CHAT: variants seen among roughly 807,000 people sequenced by gnomAD.
CHAT encodes choline O-acetyltransferase.
Under a neutral mutation model 76.9 loss-of-function variants are expected in CHAT, and 61 were observed. That is an observed-to-expected ratio of 0.79 (90% confidence interval 0.65 to 0.98). CHAT has a LOEUF of 0.98. Ranked by LOEUF, CHAT falls within the 50% of genes least tolerant of loss-of-function variation. The pLI is 0.00. For synonymous variants in CHAT, 407 were observed against 397.4 expected (o/e 1.02, Z -0.29); for missense variants, 946 against 986.9 (o/e 0.96, Z 0.56).
chr10:49,623,301 C>T (rs1838796065), intron 5 of CHAT, among the ~76,000 whole-genome samples: 1 of 152,170 alleles, frequency 6.6e-6, no homozygotes. Context: ...CTTCTGATCC[C>T]AGACTTTCAC....
At position 49,662,685 on chromosome 10, in the gene CHAT, T is replaced by C. The variant is rs775066227; in HGVS notation, c.1880T>C (p.Leu627Pro). 1.9e-6 allele frequency: 3 copies of C among 1,614,188 alleles called. No individual in the cohort carries two copies. Among genetic ancestry groups the C allele is most frequent in the Admixed American group, 1.7e-5 (1 of 60,030 alleles). The stretch of plus-strand genomic sequence containing the variant: ...GCCATTGACAACCACCTGCTGGCAC[T>C]GCGGGAGCTGGCCCGGGCCATGTGC... Reference protein sequence around the residue: ...GMAIDNHLLALRELARAMCKE... With the variant: ...GMAIDNHLLAPRELARAMCKE... Residue 627 changes from leucine (L) to proline (P), a missense_variant, in exon 14 of 15, where the codon CTG becomes CCG. By Grantham distance (98) the Leu-to-Pro change is moderately conservative (BLOSUM62 -3). Coordinates refer to ENST00000337653, the MANE Select transcript of CHAT (RefSeq NM_020549.5).
chr10:49,611,288 G>T, upstream of CHAT: 1 of 1,609,182 alleles, frequency 6.2e-7, no homozygotes. Flanking sequence ...GCGGCGCGCA[G>T]CCTGCAGGGC....
intron 4 of CHAT, among the ~76,000 whole-genome samples, chr10:49,621,792 C>T (rs1216791349): frequency 6.6e-6 from 1 of 152,064 alleles, no homozygotes; most frequent in Admixed American, 6.5e-5. Flanking sequence ...ACTCGACCCC[C>T]AGTTCTCACC....
At chr10:49,609,460 G>T (rs532600264), upstream of CHAT, among the ~76,000 whole-genome samples, 2 of 152,194 alleles carry the variant, frequency 1.3e-5, no homozygotes, top group East Asian at 3.9e-4. Context: ...AGTGGGGAGG[G>T]GGTGCGGCGG....
intron 11 of CHAT, among the ~76,000 whole-genome samples, chr10:49,653,040 G>T (rs1369945005): frequency 2.6e-5 from 4 of 151,398 alleles, no homozygotes; most frequent in African/African-American, 7.3e-5. Context: ...TTGTTTGCAG[G>T]TTTGCTGGCT....
chr10:49,659,410 A>T (rs1435543097), intron 13 of CHAT, among the ~76,000 whole-genome samples: 1 of 152,242 alleles, frequency 6.6e-6, no homozygotes, highest in African/African-American at 2.4e-5. Flanking sequence ...AGAAGATTTA[A>T]CACAAGAAAA....
chr10:49,662,826 A>G (rs1429298041), intron 14 of CHAT, 44 bp downstream of exon 14: 1 of 1,610,804 alleles, frequency 6.2e-7, no homozygotes, highest in Admixed American at 1.7e-5. Flanking sequence ...TGTAGTCAGT[A>G]AGCTTTCTAA....
At chr10:49,653,246 G>T (rs189509964) in intron 11 of CHAT, among the ~76,000 whole-genome samples, 212 of 152,224 alleles carry the variant, frequency 1.4e-3, no homozygotes, top group Non-Finnish European at 2.2e-3. Context: ...CGGGGAAGGG[G>T]TGAATAGTAG....
Position 49,649,504 on chromosome 10 carries a change from G to C in CHAT, c.1383-4G>C, listed in dbSNP as rs779952434. The C allele has an allele frequency of 4.3e-6, 7 of 1,613,658 alleles. No individual in the cohort carries two copies. The highest frequency in any genetic ancestry group is 4.0e-5 in the African/African-American group (3 of 74,946). On this transcript the variant is annotated splice_region_variant and splice_polypyrimidine_tract_variant and intron_variant, in intron 9 of 14. Coordinates refer to ENST00000337653, the MANE Select transcript of CHAT (RefSeq NM_020549.5). ...GCCTCAGGAGGTTGCCTCTGTGCCC[G>C]CAGGACGCAGAGCAGCAGGAAGCTG... is the stretch of plus-strand genomic sequence containing the variant.
At chr10:49,661,521 C>G (rs534110930) in intron 13 of CHAT, 2 of 152,146 alleles carry the variant, frequency 1.3e-5, no homozygotes, top group African/African-American at 2.4e-5. Flanking sequence ...TGCATTCATT[C>G]GCAACTGAAA....
At position 49,655,374 on chromosome 10, in the gene CHAT, T is replaced by C. The variant is rs770938238; in HGVS notation, c.1777-12T>C. 5.6e-6 allele frequency: 9 copies of C among 1,614,128 alleles called. No individual in the cohort carries two copies. Among genetic ancestry groups the C allele is most frequent in the Middle Eastern group, 1.6e-4 (1 of 6,062 alleles). On this transcript the variant is annotated splice_polypyrimidine_tract_variant and intron_variant, in intron 12 of 14. Transcript: ENST00000337653. ...TTTTAAACCCCGCGCTGCCTCTGTG[T>C]TCTGTTGACAGGCTTCTGAGAAGCT... is the stretch of plus-strand genomic sequence containing the variant.
Position 49,667,800 on chromosome 10 carries a change from G to A in CHAT, c.*2754G>A, listed in dbSNP as rs1232407463. ...TCTAGATTTATGGCAATATAAACGT[G>A]TATAGCCTTTTGATTTTAATTTCTA... On this transcript the variant is annotated 3_prime_UTR_variant, in exon 15 of 15. Transcript: ENST00000337653. 2.0e-5 allele frequency among the ~76,000 whole-genome samples: 3 copies of A among 152,206 alleles called. No individual in the cohort carries two copies. Among genetic ancestry groups the A allele is most frequent in the African/African-American group, 7.2e-5 (3 of 41,464 alleles).
chr10:49,650,807 G>T (rs1385408834), intron 10 of CHAT, among the ~76,000 whole-genome samples: 3 of 152,146 alleles, frequency 2.0e-5, no homozygotes, highest in Non-Finnish European at 4.4e-5. Context: ...TGCTGGAGAG[G>T]TTGCCTGGCT....
chr10:49,643,676 A>C (rs1157837686), intron 7 of CHAT, among the ~76,000 whole-genome samples: 1 of 152,166 alleles, frequency 6.6e-6, no homozygotes, highest in African/African-American at 2.4e-5. Context: ...TCAAAGCCTC[A>C]AAAGTAGTTG....
chr10:49,624,805 C>G (rs143807668), intron 5 of CHAT, among the ~76,000 whole-genome samples: 1 of 147,400 alleles, frequency 6.8e-6, no homozygotes, highest in Non-Finnish European at 1.5e-5. Context: ...ATGGATGGGT[C>G]GATGGAAGGA....
chr10:49,628,754 A>G (rs12358924), intron 7 of CHAT, among the ~76,000 whole-genome samples: 5 of 152,268 alleles, frequency 3.3e-5, no homozygotes, highest in Admixed American at 6.5e-5. Context: ...GCCCCATGGC[A>G]TGAGTGAGAA....
At chr10:49,615,151 C>G (rs1426881978) in intron 1 of CHAT, among the ~76,000 whole-genome samples, 3 of 146,870 alleles carry the variant, frequency 2.0e-5, no homozygotes, top group Non-Finnish European at 3.0e-5. Flanking sequence ...CTAGTGTCTC[C>G]CGAATGGGGG....
chr10:49,625,968 C>A (rs913267735), intron 6 of CHAT, among the ~76,000 whole-genome samples: 1 of 152,202 alleles, frequency 6.6e-6, no homozygotes, highest in Admixed American at 6.5e-5. Flanking sequence ...CAGGCTCTGG[C>A]CTTTCTGGAG....
At chr10:49,636,824 C>T (rs1026632336) in intron 7 of CHAT, among the ~76,000 whole-genome samples, 9 of 152,122 alleles carry the variant, frequency 5.9e-5, no homozygotes, top group African/African-American at 2.2e-4. Flanking sequence ...CCAGCATAAA[C>T]GGGTTAATAA....
Sources: allele counts gnomAD v4.1 joint callset (sites outside exome capture counted in the v4.1 genomes callset), GRCh38; gene constraint gnomAD v4.1.1; transcripts MANE v1.5; gene names NCBI Gene and HGNC (gene_info 2026-07-23, HGNC 2026-07-21).